The following ARHGAP10 variants were observed in gnomAD, a reference collection of about 807,000 sequenced individuals.
ARHGAP10 encodes the protein Rho GTPase activating protein 10.
ARHGAP10 carries 87 observed loss-of-function variants against 108.6 expected under a neutral mutation model. The observed-to-expected ratio is 0.80, with a 90% confidence interval of 0.67 to 0.96. The LOEUF is 0.96. Ranked by LOEUF, ARHGAP10 falls within the 40% of genes least tolerant of loss-of-function variation. The pLI is 0.00. For missense variants in ARHGAP10, 939 were observed against 954.5 expected, an observed-to-expected ratio of 0.98 and a Z score of 0.21; for synonymous variants, 347 against 341.1, an observed-to-expected ratio of 1.02 and a Z score of -0.19.
Position 147,962,939 on chromosome 4 carries a change from G to T in ARHGAP10, c.1451-2085G>T, listed in dbSNP as rs1420150274. 2.6e-5 allele frequency among the ~76,000 whole-genome samples: 4 copies of T among 152,236 alleles called. No individual in the cohort carries two copies. In the East Asian group the frequency reaches 7.7e-4, roughly 29 times the overall value. On this transcript the variant is annotated intron_variant, in intron 16 of 22. Coordinates refer to ENST00000336498, the MANE Select transcript of ARHGAP10 (RefSeq NM_024605.4). ...GCCTCCCAAAGTGCTGGGATTATAG[G>T]CATGAGCCACTGTGCCTGGCCACCA...
intron 13 of ARHGAP10, among the ~76,000 whole-genome samples, chr4:147,925,399 G>A (rs542936497): frequency 4.0e-5 from 6 of 151,530 alleles, no homozygotes; most frequent in East Asian, 2.0e-4. Context: ...AAAAAGCAAC[G>A]GCCCACTTTT....
intron 22 of ARHGAP10, among the ~76,000 whole-genome samples, chr4:148,068,437 A>G (rs1386225262): frequency 1.3e-5 from 2 of 152,222 alleles, no homozygotes; most frequent in Non-Finnish European, 2.9e-5. Flanking sequence ...GATCACATAT[A>G]GACCCCACAG....
chr4:147,856,803 T>G (rs1336245105), intron 4 of ARHGAP10, among the ~76,000 whole-genome samples: 2 of 152,044 alleles, frequency 1.3e-5, no homozygotes, highest in African/African-American at 2.4e-5. Flanking sequence ...TCCCAAGATG[T>G]TTTTTTTCCA....
At chr4:147,767,301 T>C (rs1254413952) in intron 1 of ARHGAP10, among the ~76,000 whole-genome samples, 1 of 152,140 alleles carries the variant, frequency 6.6e-6, no homozygotes, top group Non-Finnish European at 1.5e-5. Context: ...CTAGTTTAAC[T>C]TCTAATTAAA....
chr4:147,768,001 G>A (rs1364993404), intron 1 of ARHGAP10, among the ~76,000 whole-genome samples: 1 of 152,232 alleles, frequency 6.6e-6, no homozygotes, highest in Non-Finnish European at 1.5e-5. Flanking sequence ...CCATGGTGCA[G>A]TATAAGTCTT....
chr4:147,889,483 A>G (rs1231530831), intron 10 of ARHGAP10, among the ~76,000 whole-genome samples: 1 of 151,974 alleles, frequency 6.6e-6, no homozygotes, highest in Non-Finnish European at 1.5e-5. Flanking sequence ...TATTTTTGTT[A>G]GAGATGGGGT....
At chr4:147,977,090 A>C (rs1006504123) in intron 18 of ARHGAP10, among the ~76,000 whole-genome samples, 1 of 152,230 alleles carries the variant, frequency 6.6e-6, no homozygotes, top group African/African-American at 2.4e-5. Context: ...GCATCTGGAG[A>C]TGCGGAGCTG....
At chr4:147,886,231 C>T (rs1357314629) in intron 10 of ARHGAP10, among the ~76,000 whole-genome samples, 1 of 152,208 alleles carries the variant, frequency 6.6e-6, no homozygotes, top group East Asian at 1.9e-4. Context: ...TCAACCGGTG[C>T]ATTGCCAATT....
chr4:148,002,351 C>T (rs1453653292), intron 18 of ARHGAP10, among the ~76,000 whole-genome samples: 1 of 152,182 alleles, frequency 6.6e-6, no homozygotes, highest in Non-Finnish European at 1.5e-5. Context: ...CAATGTTCAT[C>T]AGGGATATTG....
At chr4:148,047,088 G>C (rs775450925) in intron 20 of ARHGAP10, 37 bp downstream of exon 20, 2 of 1,607,774 alleles carry the variant, frequency 1.2e-6, no homozygotes, top group Non-Finnish European at 8.5e-7. Flanking sequence ...CTGAAGGGTG[G>C]AAGCCCTGAC....
At chr4:147,786,936 G>A (rs754068121) in intron 1 of ARHGAP10, among the ~76,000 whole-genome samples, 13 of 152,302 alleles carry the variant, frequency 8.5e-5, no homozygotes, top group Non-Finnish European at 1.9e-4. Context: ...TGACCTCCCT[G>A]GACTCAGTTT....
chr4:147,794,621 T>C (rs1327383084), intron 1 of ARHGAP10, among the ~76,000 whole-genome samples: 1 of 152,220 alleles, frequency 6.6e-6, no homozygotes, highest in South Asian at 2.1e-4. Flanking sequence ...TTGTGTTTTC[T>C]GGAAATTGAG....
rs1216159315 is a variant in ARHGAP10 at position 147,798,722 on chromosome 4, ACACTCTCTCTCTCTCTCTCTCTCT to A, written c.155-24003_155-23980del. 2.7e-4 allele frequency among the ~76,000 whole-genome samples: 29 copies of A among 107,436 alleles called. 2 individuals are homozygous for A. The highest frequency in any genetic ancestry group is 1.4e-3 in the African/African-American group (27 of 18,778). 70.5% of individuals were successfully genotyped at this position (107,436 alleles called of 152,430 possible). On this transcript the variant is annotated intron_variant, in intron 1 of 22. Transcript: ENST00000336498. ...CATTACGTGAGGTCAGGAGTTTGAG[ACACTCTCTCTCTCTCTCTCTCTCT>A]CTCTCTCTCTCTCTCTCTCTCTCTC... is the stretch of plus-strand genomic sequence containing the variant.
intron 1 of ARHGAP10, among the ~76,000 whole-genome samples, chr4:147,797,713 C>G (rs1731374648): frequency 6.6e-6 from 1 of 152,158 alleles, no homozygotes; most frequent in Non-Finnish European, 1.5e-5. Context: ...GCCTGGCCAG[C>G]CAACACGCCC....
chr4:147,757,671 C>T (rs1296646479), intron 1 of ARHGAP10, among the ~76,000 whole-genome samples: 3 of 152,246 alleles, frequency 2.0e-5, no homozygotes, highest in Admixed American at 6.5e-5. Flanking sequence ...CGGGCCTCTA[C>T]GGTGAGTGTC....
intron 4 of ARHGAP10, chr4:147,854,601 T>C: frequency 1.6e-6 from 1 of 630,780 alleles, no homozygotes; most frequent in Non-Finnish European, 2.0e-6. Flanking sequence ...TAATGCAGTA[T>C]TGGGGGAAAA....
intron 1 of ARHGAP10, among the ~76,000 whole-genome samples, chr4:147,755,519 G>A (rs765144931): frequency 6.6e-6 from 1 of 151,948 alleles, no homozygotes; most frequent in Admixed American, 6.6e-5. Flanking sequence ...GTGAAACTCC[G>A]TCTCAAAAAA....
At position 148,033,666 on chromosome 4, in the gene ARHGAP10, G is replaced by A. The variant is rs538707405; in HGVS notation, c.1867+10253G>A. 2.0e-5 allele frequency among the ~76,000 whole-genome samples: 3 copies of A among 152,178 alleles called. No individual in the cohort carries two copies. In the East Asian group the frequency reaches 5.8e-4, roughly 29 times the overall value. On this transcript the variant is annotated intron_variant, in intron 19 of 22. Coordinates refer to ENST00000336498, the MANE Select transcript of ARHGAP10 (RefSeq NM_024605.4). The stretch of plus-strand genomic sequence containing the variant: ...TTTACAAATGTTTCAGCTTAACTCC[G>A]AAGCAAGCTGTGTTTCATACTAGTG...
intron 13 of ARHGAP10, among the ~76,000 whole-genome samples, chr4:147,915,862 G>C (rs1279402646): frequency 6.6e-6 from 1 of 152,158 alleles, no homozygotes; most frequent in Non-Finnish European, 1.5e-5. Context: ...CCAGCACTTT[G>C]GGAGGTTGAG....
Sources: gnomAD v4.1 joint callset for allele counts (sites outside exome capture counted in the v4.1 genomes callset) on GRCh38, gnomAD v4.1.1 for gene constraint, MANE v1.5 for transcripts, NCBI Gene and HGNC (gene_info 2026-07-23, HGNC 2026-07-21) for gene names.